CPAMD8: variants seen among roughly 807,000 people sequenced by gnomAD.
The protein encoded by CPAMD8 is C3 and PZP-like alpha-2-macroglobulin domain-containing protein 8.
CPAMD8 carries 146 observed loss-of-function variants against 224.7 expected under a neutral mutation model. That is an observed-to-expected ratio of 0.65 (90% confidence interval 0.57 to 0.75). The LOEUF is 0.75. CPAMD8 is among the 30% of genes least tolerant of loss of function. CPAMD8 has a pLI of 0.00. For missense variants in CPAMD8, 2,301 were observed against 2,537.5 expected, an observed-to-expected ratio of 0.91 and a Z score of 2.00; for synonymous variants, 966 against 1,044.6, an observed-to-expected ratio of 0.92 and a Z score of 1.45.
At chr19:16,953,652 CA>C (rs60937762) in intron 19 of CPAMD8, among the ~76,000 whole-genome samples, 37,961 of 94,194 alleles carry the variant, frequency 0.4, 5,203 homozygotes, top group African/African-American at 0.52. Flanking sequence ...GACCTTGTCT[CA>C]AAAAAAAAAA....
At chr19:16,903,013 GT>G in intron 34 of CPAMD8, 150 bp from the exon 35 acceptor site, 1 of 574,848 alleles carries the variant, frequency 1.7e-6, no homozygotes, top group Non-Finnish European at 3.1e-6. Context: ...ACCGTTATTC[GT>G]TTTAGCCTTG....
chr19:17,025,161 A>T (rs1217943163), intron 1 of CPAMD8, among the ~76,000 whole-genome samples: 1 of 152,212 alleles, frequency 6.6e-6, no homozygotes, highest in Admixed American at 6.5e-5. Context: ...CTCTAATCCC[A>T]GCACTTTGGG....
intron 19 of CPAMD8, among the ~76,000 whole-genome samples, chr19:16,955,550 G>A (rs141627503): frequency 8.5e-5 from 13 of 152,302 alleles, no homozygotes; most frequent in Non-Finnish European, 1.5e-4. Context: ...ACAGAAATGG[G>A]TGATGGTGAT....
chr19:17,003,656 T>C (rs889473505), intron 8 of CPAMD8, among the ~76,000 whole-genome samples: 7 of 151,110 alleles, frequency 4.6e-5, no homozygotes, highest in Non-Finnish European at 7.4e-5. Context: ...CTCACACTTG[T>C]AGTCCCAGCA....
chr19:16,981,300 G>A (rs1175997276), intron 13 of CPAMD8, among the ~76,000 whole-genome samples: 1 of 152,092 alleles, frequency 6.6e-6, no homozygotes, highest in East Asian at 1.9e-4. Context: ...AGTCAAGGCT[G>A]CAGTGAGCCA....
At chr19:17,019,584 C>T (rs2056899415) in intron 3 of CPAMD8, among the ~76,000 whole-genome samples, 2 of 148,870 alleles carry the variant, frequency 1.3e-5, no homozygotes, top group East Asian at 2.1e-4. Flanking sequence ...TAAATAGGGC[C>T]TCACTCTGTT....
Position 17,002,272 on chromosome 19 carries a change from C to T in CPAMD8, c.752G>A (p.Arg251Gln), listed in dbSNP as rs920062788. ...AGGGGTCCCTCTTTCTCACCTGGCCCGCACAGTGCCTGTCTCACAGGCGTC... is the reference window on the plus strand; with the variant it reads ...AGGGGTCCCTCTTTCTCACCTGGCCTGCACAGTGCCTGTCTCACAGGCGTC... Reference protein sequence around the residue: ...DLDACETGTVRARYTFGKPVA... With the variant: ...DLDACETGTVQARYTFGKPVA... The change falls in exon 9 of 42, where the codon CGG (arginine) becomes CAG (glutamine). Residue 251 changes from arginine to glutamine, a missense_variant. Physicochemically the swap from Arg to Gln is conservative, Grantham distance 43 (BLOSUM62 1). Coordinates refer to ENST00000443236, the MANE Select transcript of CPAMD8 (RefSeq NM_015692.5). 2.4e-5 allele frequency: 39 copies of T among 1,594,406 alleles called. No homozygotes were observed. Among genetic ancestry groups the T allele is most frequent in the Non-Finnish European group, 3.2e-5 (37 of 1,168,316 alleles).
At chr19:17,013,400 A>G (rs1162090685) in intron 3 of CPAMD8, 1 of 151,774 alleles carries the variant, frequency 6.6e-6, no homozygotes, top group Non-Finnish European at 1.5e-5. Context: ...AGTTCCAGCT[A>G]CTCTGGAGGC....
chr19:16,896,925 G>A, intron 39 of CPAMD8: 1 of 352,484 alleles, frequency 2.8e-6, no homozygotes, highest in Non-Finnish European at 5.1e-6. Context: ...GTCCTGTCTG[G>A]GCCGCCCTGC....
chr19:16,928,774 T>G (rs894323090), intron 24 of CPAMD8, among the ~76,000 whole-genome samples, 168 bp downstream of exon 24: 2 of 151,814 alleles, frequency 1.3e-5, no homozygotes, highest in African/African-American at 2.4e-5. Flanking sequence ...TACATGTTTT[T>G]TTTTTTTTTT....
chr19:16,962,423 A>G (rs1258347607), intron 18 of CPAMD8, among the ~76,000 whole-genome samples: 2 of 152,240 alleles, frequency 1.3e-5, no homozygotes, highest in African/African-American at 4.8e-5. Context: ...GATTCGATCA[A>G]GTGGAAGAAA....
At chr19:16,939,864 G>T (rs563571866) in intron 22 of CPAMD8, among the ~76,000 whole-genome samples, 5 of 152,088 alleles carry the variant, frequency 3.3e-5, no homozygotes, top group African/African-American at 1.2e-4. Flanking sequence ...GCTTTACTGG[G>T]TCTTTAGCTT....
chr19:16,937,687 C>A (rs111868923), intron 23 of CPAMD8, among the ~76,000 whole-genome samples: 4,707 of 144,958 alleles, frequency 0.032, 226 homozygotes, highest in African/African-American at 0.11. Context: ...GAGTCTCGCT[C>A]TGTCACCCAG....
chr19:17,011,842 CAG>C, intron 3 of CPAMD8, 85 bp from the exon 4 acceptor site: 1 of 1,459,962 alleles, frequency 6.8e-7, no homozygotes, highest in East Asian at 2.3e-5. Context: ...AGGCCTGGAA[CAG>C]GGGGAACTCA....
intron 22 of CPAMD8, among the ~76,000 whole-genome samples, chr19:16,939,629 A>C (rs148140535): frequency 6.2e-4 from 95 of 152,250 alleles, no homozygotes; most frequent in African/African-American, 2.2e-3. Flanking sequence ...TTGGTGTTGG[A>C]GGACTGAGTA....
At chr19:16,964,725 G>C (rs1039352489) in intron 18 of CPAMD8, among the ~76,000 whole-genome samples, 3 of 152,062 alleles carry the variant, frequency 2.0e-5, no homozygotes, top group Admixed American at 2.0e-4. Flanking sequence ...GCCTGGCAGA[G>C]ACACAACAAA....
chr19:16,941,177 C>G (rs1033860673), intron 22 of CPAMD8, among the ~76,000 whole-genome samples: 4 of 152,230 alleles, frequency 2.6e-5, no homozygotes, highest in Admixed American at 6.5e-5. Flanking sequence ...AGGTGATCCA[C>G]CTGCCTTGGC....
intron 32 of CPAMD8, 50 bp downstream of exon 32, chr19:16,904,176 A>AGGCCCCCCCCCCCCCCCCCCCCCCC: frequency 9.6e-6 from 9 of 937,330 alleles, no homozygotes; most frequent in Non-Finnish European, 1.3e-5. Flanking sequence ...GACTGCAGGG[A>AGGCCCCCCCCCCCCCCCCCCCCCCC]CCCCACCCAC....
chr19:16,946,710 GGTGT>G (rs1319173141), intron 21 of CPAMD8, among the ~76,000 whole-genome samples: 2 of 126,810 alleles, frequency 1.6e-5, no homozygotes, highest in Admixed American at 1.6e-4. Context: ...GTGGATTTGT[GGTGT>G]GTGTATGCAT....
Sources: gnomAD v4.1 joint callset for allele counts (sites outside exome capture counted in the v4.1 genomes callset) on GRCh38, gnomAD v4.1.1 for gene constraint, MANE v1.5 for transcripts, NCBI Gene and HGNC (gene_info 2026-07-23, HGNC 2026-07-21) for gene names.